The following ITPK1 variants were observed in gnomAD, a reference collection of about 807,000 sequenced individuals.
ITPK1 encodes the protein inositol-tetrakisphosphate 1-kinase.
Under a neutral mutation model 45.3 loss-of-function variants are expected in ITPK1, and 21 were observed. The observed-to-expected ratio is 0.46, with a 90% CI of 0.33 to 0.67. The LOEUF is 0.67. Ranked by LOEUF, ITPK1 falls within the 30% of genes least tolerant of loss-of-function variation. The pLI is 0.02. For missense variants in ITPK1, 474 were observed against 573.5 expected, an observed-to-expected ratio of 0.83 and a Z score of 1.77; for synonymous variants, 258 against 253.6, an observed-to-expected ratio of 1.02 and a Z score of -0.16.
Position 93,110,129 on chromosome 14 carries a change from C to T in ITPK1, c.95+4940G>A, listed in dbSNP as rs1595226128. ...GTCATGGGGCACATAGGCAGTCAGT[C>T]GTGGAGTCAGGCCTGAAACTGAGGC... On this transcript the variant is annotated intron_variant, in intron 2 of 10. Transcript: ENST00000267615. Among the ~76,000 whole-genome samples the T allele has an allele frequency of 3.9e-5, 6 of 152,192 alleles. No homozygotes were observed. In the South Asian group the frequency reaches 1.2e-3, roughly 32 times the overall value.
chr14:93,107,221 G>A (rs1023437964), intron 2 of ITPK1, among the ~76,000 whole-genome samples: 2 of 152,154 alleles, frequency 1.3e-5, no homozygotes, highest in Non-Finnish European at 2.9e-5. Flanking sequence ...GCCTCCCAAA[G>A]TGCTGGGATT....
At chr14:93,100,262 C>T (rs1338499576) in intron 2 of ITPK1, among the ~76,000 whole-genome samples, 1 of 152,172 alleles carries the variant, frequency 6.6e-6, no homozygotes, top group Non-Finnish European at 1.5e-5. Context: ...CTGGAGCCAA[C>T]CCAACCAGCT....
Position 92,958,301 on chromosome 14 carries a change from G to A in ITPK1, c.570C>T (p.Phe190=). 6.2e-7 allele frequency: 1 copy of A among 1,614,220 alleles called. No homozygotes were observed. Among genetic ancestry groups the A allele is most frequent in the Non-Finnish European group, 8.5e-7 (1 of 1,180,038 alleles). ...TGTACAGGACGGCGTTGTGGTTGAT[G>A]AAATTCTGGACCACGCAGGGTGGCT... is the stretch of plus-strand genomic sequence containing the variant. ...AIQPPCVVQN[F]INHNAVLYKV... is the part of the protein sequence containing the mutation. The change falls in exon 8 of 11, where the codon TTC becomes TTT. Residue 190 remains phenylalanine (F), a synonymous_variant. Transcript: ENST00000267615. The surrounding 1 kb of genome is among the most constrained non-coding windows in gnomAD (Gnocchi z 4.4).
chr14:93,115,481 G>A (rs1892913303), intron 1 of ITPK1, among the ~76,000 whole-genome samples, 176 bp from the exon 2 acceptor site: 1 of 149,206 alleles, frequency 6.7e-6, no homozygotes, highest in South Asian at 2.1e-4. Context: ...CCTGCCGGCT[G>A]AGGCTGGGGC....
chr14:92,991,879 G>A (rs542310807), intron 5 of ITPK1, among the ~76,000 whole-genome samples: 3 of 152,326 alleles, frequency 2.0e-5, no homozygotes, highest in African/African-American at 4.8e-5. Context: ...AGCAGCTGCT[G>A]TTCCCGGGTG....
At chr14:93,030,611 G>A (rs1368620957) in intron 3 of ITPK1, among the ~76,000 whole-genome samples, 1 of 151,784 alleles carries the variant, frequency 6.6e-6, no homozygotes, top group African/African-American at 2.4e-5. Flanking sequence ...ACAAGCAAAG[G>A]AAGCGACTGG....
chr14:92,955,669 C>T (rs568901062), intron 8 of ITPK1, among the ~76,000 whole-genome samples: 18 of 152,318 alleles, frequency 1.2e-4, no homozygotes, highest in African/African-American at 4.3e-4. Flanking sequence ...GATGTCAACA[C>T]GTAAAAAACA....
At chr14:93,097,493 C>A (rs1026680696) in intron 2 of ITPK1, among the ~76,000 whole-genome samples, 7 of 152,312 alleles carry the variant, frequency 4.6e-5, no homozygotes, top group East Asian at 3.9e-4. Flanking sequence ...TGACCACACA[C>A]ACGCAAGGGA....
chr14:93,031,027 G>A lies in ITPK1; in HGVS notation c.121-14226C>T, dbSNP rs76705053. On this transcript the variant is annotated intron_variant, in intron 3 of 10. Transcript: ENST00000267615. ...TGGCTGGAACAGGCCCCGCTGCCTC[G>A]GAAGGAGCCCCACTTGGGATCTCAG... Among the ~76,000 whole-genome samples the A allele has an allele frequency of 3.3e-4, 50 of 152,256 alleles. No homozygotes were observed. The East Asian group carries it at 9.7e-3, about 29-fold the overall frequency.
intron 2 of ITPK1, among the ~76,000 whole-genome samples, chr14:93,108,563 A>C (rs1235516976): frequency 6.6e-6 from 1 of 152,178 alleles, no homozygotes; most frequent in East Asian, 1.9e-4. Flanking sequence ...AAACTCCTCA[A>C]TCTCACTATC....
intron 9 of ITPK1, 66 bp from the exon 10 acceptor site, chr14:92,946,559 G>A (rs1445876790): frequency 1.5e-5 from 22 of 1,486,244 alleles, no homozygotes; most frequent in Non-Finnish European, 1.9e-5. Flanking sequence ...CACACAGACA[G>A]ACCCCCCACA....
In ITPK1 at chr14:93,013,645, G is replaced by A. The variant is rs548688249; in HGVS notation, c.246+3031C>T. On this transcript the variant is annotated intron_variant, in intron 4 of 10. Transcript: ENST00000267615. ...CTGCTGGGGCAAAGCATCTTGCCTC[G>A]GTTTCCCTGCTCACAACAAAATGGG... Among the ~76,000 whole-genome samples, 5 of 152,336 alleles carry A rather than the reference G, an allele frequency of 3.3e-5. No individual in the cohort carries two copies. The South Asian group carries it at 6.2e-4, about 19-fold the overall frequency.
chr14:93,008,466 C>T (rs1887728146), intron 4 of ITPK1, among the ~76,000 whole-genome samples: 1 of 152,240 alleles, frequency 6.6e-6, no homozygotes, highest in African/African-American at 2.4e-5. Flanking sequence ...AATGATCTCA[C>T]AGATCAGTGG....
At chr14:93,107,653 C>T (rs1045702854) in intron 2 of ITPK1, among the ~76,000 whole-genome samples, 2 of 152,112 alleles carry the variant, frequency 1.3e-5, no homozygotes, top group Admixed American at 6.5e-5. Context: ...TGGGGGGATG[C>T]GGAGCGGGGT....
At chr14:92,948,683 GGGACAGA>G (rs1481908892) in intron 9 of ITPK1, among the ~76,000 whole-genome samples, 55 of 152,234 alleles carry the variant, frequency 3.6e-4, no homozygotes, top group Non-Finnish European at 5.9e-5. Flanking sequence ...GACAGGGCTG[GGGACAGA>G]GCCCTGGTCA....
intron 2 of ITPK1, 32 bp downstream of exon 2, chr14:93,115,037 T>C: frequency 6.9e-7 from 1 of 1,456,018 alleles, no homozygotes; most frequent in Non-Finnish European, 9.3e-7. Context: ...GGGCCGGGGG[T>C]CCCCGGGCGC....
chr14:93,043,162 A>C (rs558963999), intron 3 of ITPK1, among the ~76,000 whole-genome samples: 1 of 152,298 alleles, frequency 6.6e-6, no homozygotes, highest in South Asian at 2.1e-4. Flanking sequence ...ATATTGACCC[A>C]GGATTGGCCA....
intron 10 of ITPK1, among the ~76,000 whole-genome samples, chr14:92,942,367 C>T (rs1054972759): frequency 2.0e-5 from 3 of 152,176 alleles, no homozygotes; most frequent in South Asian, 2.1e-4. Flanking sequence ...TCCCGGAGAC[C>T]GCTTCCACCC....
In ITPK1 at chr14:93,076,483, G is replaced by C. The variant is rs112324786; in HGVS notation, c.120+112C>G. 6.4e-6 allele frequency: 8 copies of C among 1,249,156 alleles called. No homozygotes were observed. In the African/African-American group the frequency reaches 1.2e-4, roughly 19 times the overall value. The allele number at this position is 1,249,156 out of a possible 1,614,324, so 77.4% of individuals were successfully genotyped here. A position where few individuals can be genotyped will look rare whatever the true frequency, so the allele number is the denominator to read the frequency against. ...CAGGGGAGCTAAAAACAAGCTGCAC[G>C]TGAAGAAGAGAGAAAGCCGTGCCCA... On this transcript the variant is annotated intron_variant, in intron 3 of 10. Transcript: ENST00000267615. This position sits in a 1 kb window ranked among gnomAD's most constrained non-coding sequence, Gnocchi z 4.3.
Sources: allele counts gnomAD v4.1 joint callset (sites outside exome capture counted in the v4.1 genomes callset), GRCh38; gene constraint gnomAD v4.1.1; non-coding constraint Gnocchi (gnomAD v3.1); transcripts MANE v1.5; gene names NCBI Gene and HGNC (gene_info 2026-07-23, HGNC 2026-07-21).